The following TEK variants were observed in gnomAD, a reference collection of about 807,000 sequenced individuals.
TEK encodes angiopoietin-1 receptor.
Under a neutral mutation model 131.8 loss-of-function variants are expected in TEK, and 43 were observed. That is an observed-to-expected ratio of 0.33 (90% CI 0.26 to 0.42). The LOEUF (loss-of-function observed/expected upper bound fraction) is 0.42, where lower values mean the gene tolerates loss of function less well. Among genes scored for constraint, TEK ranks in the 10% least tolerant of loss-of-function variants. The pLI is 1.00. For synonymous variants in TEK, 580 were observed against 491.6 expected (o/e 1.18, Z -2.38); for missense variants, 1,162 against 1,384.4 (o/e 0.84, Z 2.55).
Position 27,206,732 on chromosome 9 carries a change from C to G in TEK, c.2515C>G (p.Leu839Val). Residue 839 changes from leucine (L) to valine (V), a missense_variant, in exon 15 of 23, where the codon CTT (leucine) becomes GTT (valine). Transcript: ENST00000380036. ...VIGEGNFGQVLKARIKKDGLR... is the reference protein window; with the variant it reads ...VIGEGNFGQVVKARIKKDGLR... ...TGGGGAGGGCAATTTTGGCCAAGTT[C>G]TTAAGGCGCGCATCAAGAAGGATGG... 1 of 1,614,032 alleles carries G rather than the reference C, an allele frequency of 6.2e-7. No homozygotes were observed. Among genetic ancestry groups the G allele is most frequent in the Non-Finnish European group, 8.5e-7 (1 of 1,179,978 alleles).
At chr9:27,197,042 A>G (rs1729753447) in intron 11 of TEK, among the ~76,000 whole-genome samples, 1 of 131,330 alleles carries the variant, frequency 7.6e-6, no homozygotes, top group Non-Finnish European at 1.6e-5. Flanking sequence ...ATGAGAACAT[A>G]TGGAAACAGG....
intron 11 of TEK, among the ~76,000 whole-genome samples, chr9:27,197,011 C>A (rs1825050634): frequency 8.1e-6 from 1 of 123,486 alleles, no homozygotes; most frequent in Admixed American, 8.8e-5. Flanking sequence ...TATCCCTCCC[C>A]CCTCCCCCGG....
chr9:27,181,808 TTAA>T (rs1824387333), intron 7 of TEK, among the ~76,000 whole-genome samples: 1 of 152,202 alleles, frequency 6.6e-6, no homozygotes, highest in African/African-American at 2.4e-5. Flanking sequence ...ATTTTCAAAC[TTAA>T]TAAATATGTA....
At chr9:27,111,738 T>TTATA (rs112099794) in intron 1 of TEK, among the ~76,000 whole-genome samples, 1 of 151,846 alleles carries the variant, frequency 6.6e-6, no homozygotes, top group African/African-American at 2.4e-5. Context: ...TTCCCTACTC[T>TTATA]TCCTCATAAA....
At chr9:27,167,750 C>G (rs1185388327) in intron 2 of TEK, among the ~76,000 whole-genome samples, 1 of 152,118 alleles carries the variant, frequency 6.6e-6, no homozygotes, top group South Asian at 2.1e-4. Flanking sequence ...ATGGGGCATT[C>G]TAAAGCAATT....
In TEK at chr9:27,196,937, C is replaced by T. The variant is rs559849968; in HGVS notation, c.1625-378C>T. On this transcript the variant is annotated intron_variant, in intron 11 of 22. Coordinates refer to ENST00000380036, the MANE Select transcript of TEK (RefSeq NM_000459.5). ...TGCAGGTTAGTTACATATGTATACA[C>T]GTGCCATGTTGGTGTGCTGCACCCA... Among the ~76,000 whole-genome samples, 14 of 151,786 alleles carry T rather than the reference C, an allele frequency of 9.2e-5. No homozygotes were observed. In the East Asian group the frequency reaches 1.5e-3, roughly 17 times the overall value.
intron 21 of TEK, among the ~76,000 whole-genome samples, chr9:27,224,572 A>G (rs1053555111): frequency 1.3e-5 from 2 of 152,178 alleles, no homozygotes; most frequent in Admixed American, 1.3e-4. Flanking sequence ...CAGGCTAAAC[A>G]CGCTCAGTAA....
intron 1 of TEK, among the ~76,000 whole-genome samples, chr9:27,155,265 T>C (rs1394537214): frequency 1.3e-5 from 2 of 152,198 alleles, no homozygotes; most frequent in African/African-American, 2.4e-5. Flanking sequence ...ACTGTTAGGC[T>C]TTGTAGCTCG....
intron 1 of TEK, among the ~76,000 whole-genome samples, chr9:27,137,759 A>G (rs928648154): frequency 6.6e-6 from 1 of 152,164 alleles, no homozygotes; most frequent in Non-Finnish European, 1.5e-5. Context: ...ACCCACACCT[A>G]AGAACATCTT....
At chr9:27,215,853 T>C (rs893741970) in intron 18 of TEK, among the ~76,000 whole-genome samples, 3 of 152,112 alleles carry the variant, frequency 2.0e-5, no homozygotes, top group African/African-American at 7.2e-5. Flanking sequence ...GAAGGTGCAC[T>C]GAACCAAGCT....
At chr9:27,175,768 T>C (rs1824145302) in intron 6 of TEK, among the ~76,000 whole-genome samples, 2 of 152,246 alleles carry the variant, frequency 1.3e-5, no homozygotes, top group South Asian at 4.1e-4. Flanking sequence ...ATGTGTCTTT[T>C]GGCTGCATAA....
intron 9 of TEK, among the ~76,000 whole-genome samples, chr9:27,186,662 T>G (rs1297495561): frequency 1.3e-5 from 2 of 152,182 alleles, no homozygotes; most frequent in Non-Finnish European, 2.9e-5. Context: ...CACTATCTCT[T>G]CTGGACCATT....
At chr9:27,145,520 C>G (rs10967735) in intron 1 of TEK, among the ~76,000 whole-genome samples, 1 of 152,070 alleles carries the variant, frequency 6.6e-6, no homozygotes. Context: ...ATGATAATAC[C>G]AATAGTCCTT....
rs150457939 is a variant in TEK, at chr9:27,139,589, G to A, written c.53-18242G>A. 7.2e-3 allele frequency among the ~76,000 whole-genome samples: 1,098 copies of A among 152,108 alleles called. 8 individuals carry two copies. The highest frequency in any genetic ancestry group is 0.012 in the Non-Finnish European group (822 of 67,994). ...TCCGCCCACCTCGGCCTCCCAAAGT[G>A]CTGGGATTACAGGCGTGAGACACCA... On this transcript the variant is annotated intron_variant, in intron 1 of 22. Transcript: ENST00000380036.
chr9:27,134,672 C>T (rs560019702), intron 1 of TEK, among the ~76,000 whole-genome samples: 1 of 152,078 alleles, frequency 6.6e-6, no homozygotes, highest in Non-Finnish European at 1.5e-5. Context: ...CCAGTGTAAC[C>T]CTAGATGATA....
chr9:27,158,170 T>A (rs1302971236), intron 2 of TEK, 28 bp downstream of exon 2: 2 of 1,612,914 alleles, frequency 1.2e-6, no homozygotes, highest in Admixed American at 3.3e-5. Flanking sequence ...TTTGGGCAGG[T>A]GAGGCCCACT....
rs922911141 is a variant in TEK at position 27,114,331 on chromosome 9, G to C, written c.52+4689G>C. Among the ~76,000 whole-genome samples, 11 of 152,316 alleles carry C rather than the reference G, an allele frequency of 7.2e-5. No individual in the cohort carries two copies. The East Asian group carries it at 2.1e-3, about 29-fold the overall frequency. The stretch of plus-strand genomic sequence containing the variant: ...CTGATGCCTGTAATCCCAGCACTTT[G>C]GGAGGCCAAGGTGGGCAGATCACGA... On this transcript the variant is annotated intron_variant, in intron 1 of 22. Transcript: ENST00000380036.
intron 1 of TEK, among the ~76,000 whole-genome samples, chr9:27,152,590 G>GCCCCCCC (rs370861168): frequency 4.2e-5 from 6 of 141,538 alleles, no homozygotes; most frequent in African/African-American, 1.6e-4. Context: ...CTTATATGAA[G>GCCCCCCC]CCCCCCCGCC....
chr9:27,150,921 G>A (rs76166182), intron 1 of TEK, among the ~76,000 whole-genome samples: 2 of 152,188 alleles, frequency 1.3e-5, no homozygotes, highest in African/African-American at 4.8e-5. Flanking sequence ...AGACAAGGGT[G>A]CCATTTGGCT....
Sources: allele counts gnomAD v4.1 joint callset (sites outside exome capture counted in the v4.1 genomes callset), GRCh38; gene constraint gnomAD v4.1.1; transcripts MANE v1.5; gene names NCBI Gene and HGNC (gene_info 2026-07-23, HGNC 2026-07-21).